THSD4: variants seen among roughly 807,000 people sequenced by gnomAD.
The protein encoded by THSD4 is thrombospondin type 1 domain containing 4.
Under a neutral mutation model 119.0 loss-of-function variants are expected in THSD4, and 69 were observed. That is an observed-to-expected ratio of 0.58 (90% CI 0.48 to 0.71). The LOEUF is 0.71. THSD4 is among the 30% of genes least tolerant of loss of function. The probability of loss-of-function intolerance (pLI) is 0.00; values close to 1 mark genes in which losing one functional copy is unlikely to be tolerated. For missense variants in THSD4, 1,393 were observed against 1,391.1 expected (o/e 1.00, Z -0.02); for synonymous variants, 524 against 540.4 (o/e 0.97, Z 0.42).
chr15:71,334,136 G>A (rs778107492), intron 6 of THSD4, among the ~76,000 whole-genome samples: 15 of 152,156 alleles, frequency 9.9e-5, no homozygotes, highest in Non-Finnish European at 1.6e-4. Flanking sequence ...CCAGCAAACC[G>A]GAAGCCAGAG....
At chr15:71,563,160 C>T (rs1017954283) in intron 7 of THSD4, among the ~76,000 whole-genome samples, 1 of 152,252 alleles carries the variant, frequency 6.6e-6, no homozygotes, top group Non-Finnish European at 1.5e-5. Context: ...GCGTTGGACA[C>T]ATGATGCGTG....
rs372826021 is a variant in THSD4, at chr15:71,332,598, G to C, written c.1015+75883G>C. On this transcript the variant is annotated intron_variant, in intron 6 of 17. Transcript: ENST00000261862. ...CAAAGTTAGACTGCAGCATGCCTCG[G>C]ATTTGAACCCCGGTTGAAGTCTTGT... Among the ~76,000 whole-genome samples the C allele has an allele frequency of 1.3e-3, 192 of 152,254 alleles. 11 individuals are homozygous for C. The South Asian group carries it at 0.039, about 31-fold the overall frequency.
At chr15:71,399,632 G>A (rs1490680369) in intron 6 of THSD4, among the ~76,000 whole-genome samples, 5 of 152,180 alleles carry the variant, frequency 3.3e-5, no homozygotes, top group African/African-American at 1.2e-4. Context: ...TACAAGCGAG[G>A]TCTCCTTTCT....
chr15:71,634,267 T>G (rs960994619), intron 7 of THSD4, among the ~76,000 whole-genome samples: 1 of 152,080 alleles, frequency 6.6e-6, no homozygotes, highest in African/African-American at 2.4e-5. Context: ...TTAGGTGGGA[T>G]TGCATAAGTA....
At chr15:71,507,050 G>A (rs1490755858) in intron 7 of THSD4, among the ~76,000 whole-genome samples, 1 of 152,144 alleles carries the variant, frequency 6.6e-6, no homozygotes, top group Non-Finnish European at 1.5e-5. Flanking sequence ...GTGTTGCATA[G>A]GCAGGAGCCT....
At chr15:71,432,292 A>T (rs2046953282) in intron 7 of THSD4, among the ~76,000 whole-genome samples, 1 of 152,232 alleles carries the variant, frequency 6.6e-6, no homozygotes, top group African/African-American at 2.4e-5. Context: ...GACTTAATTT[A>T]GAATTTGAAA....
intron 7 of THSD4, among the ~76,000 whole-genome samples, chr15:71,552,856 A>T (rs865774148): frequency 6.6e-6 from 1 of 151,670 alleles, no homozygotes; most frequent in Non-Finnish European, 1.5e-5. Context: ...CTGGTCTCCA[A>T]CTCCTGACCT....
At chr15:71,334,561 A>G (rs981500282) in intron 6 of THSD4, among the ~76,000 whole-genome samples, 3 of 152,226 alleles carry the variant, frequency 2.0e-5, no homozygotes, top group Non-Finnish European at 4.4e-5. Flanking sequence ...CAGTTGGTGC[A>G]TGGCTGTCAC....
chr15:71,467,504 G>C (rs2047516945), intron 7 of THSD4, among the ~76,000 whole-genome samples: 1 of 152,154 alleles, frequency 6.6e-6, no homozygotes, highest in Admixed American at 6.5e-5. Context: ...CAGCAAGCAA[G>C]GCCTGTTTGT....
chr15:71,261,446 G>A (rs991595113), intron 6 of THSD4, among the ~76,000 whole-genome samples: 2 of 152,158 alleles, frequency 1.3e-5, no homozygotes, highest in African/African-American at 2.4e-5. Context: ...TCTCTTGTTT[G>A]TGTTCAACAG....
intron 8 of THSD4, among the ~76,000 whole-genome samples, chr15:71,710,013 A>G (rs186497718): frequency 8.5e-5 from 13 of 152,354 alleles, no homozygotes; most frequent in Admixed American, 5.2e-4. Context: ...GCTCAGATCC[A>G]GGCTGGATGT....
intron 10 of THSD4, among the ~76,000 whole-genome samples, chr15:71,736,589 C>T (rs921432839): frequency 6.6e-6 from 1 of 151,940 alleles, no homozygotes; most frequent in Non-Finnish European, 1.5e-5. Flanking sequence ...CTCTGTCTCT[C>T]TTGCTCTCTT....
chr15:71,641,052 T>G (rs993607473), intron 7 of THSD4, among the ~76,000 whole-genome samples: 13 of 151,834 alleles, frequency 8.6e-5, no homozygotes, highest in African/African-American at 3.1e-4. Flanking sequence ...CCTGAATGAC[T>G]CCGGTGGTGA....
chr15:71,721,322 C>T (rs766714759), intron 8 of THSD4, among the ~76,000 whole-genome samples: 6 of 152,148 alleles, frequency 3.9e-5, no homozygotes, highest in Non-Finnish European at 7.3e-5. Context: ...TCCTGGCCAA[C>T]ATGGTGAAAC....
intron 7 of THSD4, among the ~76,000 whole-genome samples, chr15:71,444,568 C>T (rs572359103): frequency 3.4e-4 from 52 of 152,360 alleles, no homozygotes; most frequent in African/African-American, 1.2e-3. Flanking sequence ...TCTCACAGCA[C>T]CTCACGCTGC....
intron 6 of THSD4, among the ~76,000 whole-genome samples, chr15:71,375,727 G>A (rs970563276): frequency 1.4e-4 from 21 of 152,110 alleles, no homozygotes; most frequent in Admixed American, 1.0e-3. Context: ...CTCAAAGTGC[G>A]GTCCCTGGAC....
intron 7 of THSD4, among the ~76,000 whole-genome samples, chr15:71,517,021 G>A (rs974073537): frequency 2.6e-5 from 4 of 152,170 alleles, no homozygotes; most frequent in South Asian, 2.1e-4. Flanking sequence ...AGTTCTATCA[G>A]ACAGACTCTT....
chr15:71,587,987 T>TTCATTGTCAAGAATC (rs1567049799), intron 7 of THSD4, among the ~76,000 whole-genome samples: 4 of 151,484 alleles, frequency 2.6e-5, no homozygotes, highest in African/African-American at 9.7e-5. Context: ...GTGGCATAGT[T>TTCATTGTCAAGAATC]TCATTGTCAA....
intron 6 of THSD4, among the ~76,000 whole-genome samples, chr15:71,363,983 T>C (rs1364624206): frequency 6.6e-6 from 1 of 152,218 alleles, no homozygotes; most frequent in Non-Finnish European, 1.5e-5. Flanking sequence ...CTCCTAATTT[T>C]ATCTGATAGA....
Sources: allele counts gnomAD v4.1 joint callset (sites outside exome capture counted in the v4.1 genomes callset), GRCh38; gene constraint gnomAD v4.1.1; transcripts MANE v1.5; gene names NCBI Gene and HGNC (gene_info 2026-07-23, HGNC 2026-07-21).